LOC400499: variants seen among roughly 807,000 people sequenced by gnomAD.
chr16:11,450,864 G>T, the LOC400499 span: 1 of 1,498,084 alleles, frequency 6.7e-7, no homozygotes, highest in Admixed American at 2.0e-5. Context: ...GGGGTAGAGA[G>T]GAAGCTTCTA....
the LOC400499 span, chr16:11,514,539 G>A: frequency 2.5e-6 from 1 of 400,154 alleles, no homozygotes; most frequent in Non-Finnish European, 4.4e-6. Context: ...GTCAGGCCGG[G>A]CTGCGGACCA....
At chr16:11,379,555 G>T in the LOC400499 span, among the ~76,000 whole-genome samples, 3 of 152,208 alleles carry the variant, frequency 2.0e-5, no homozygotes, top group East Asian at 5.8e-4. Context: ...TATTTTTAAA[G>T]ATTATCATTC....
At chr16:11,432,230 C>T in the LOC400499 span, among the ~76,000 whole-genome samples, 1 of 152,252 alleles carries the variant, frequency 6.6e-6, no homozygotes, top group Non-Finnish European at 1.5e-5. Context: ...CCTGCCAAAG[C>T]CACACAGAAC....
chr16:11,440,969 G>A, the LOC400499 span: 2 of 398,982 alleles, frequency 5.0e-6, no homozygotes, highest in African/African-American at 2.1e-5. Flanking sequence ...CCAGGGCCAG[G>A]CTGTGCCGGA....
At chr16:11,509,450 G>A in the LOC400499 span, among the ~76,000 whole-genome samples, 1 of 151,728 alleles carries the variant, frequency 6.6e-6, no homozygotes, top group Non-Finnish European at 1.5e-5. Context: ...AAACAAGTCA[G>A]CAGGACACAC....
chr16:11,520,714 C>T, the LOC400499 span, among the ~76,000 whole-genome samples: 8 of 148,436 alleles, frequency 5.4e-5, no homozygotes, highest in African/African-American at 1.7e-4. Flanking sequence ...GGAGAAGTGA[C>T]CAAGAGGAAG....
the LOC400499 span, among the ~76,000 whole-genome samples, chr16:11,482,989 T>C: frequency 3.4e-5 from 5 of 148,670 alleles, no homozygotes; most frequent in Non-Finnish European, 7.5e-5. Context: ...GCCAACAAAA[T>C]AAGATGAGCA....
At chr16:11,491,649 T>TAC in the LOC400499 span, 2 of 210,378 alleles carry the variant, frequency 9.5e-6, no homozygotes. Context: ...GGAGGTGCCC[T>TAC]CCCAGCCCCA....
the LOC400499 span, among the ~76,000 whole-genome samples, chr16:11,427,402 G>A: frequency 6.9e-6 from 1 of 144,576 alleles, no homozygotes. Context: ...TTAATCAACA[G>A]GGAAATGCAA....
chr16:11,455,505 A>G, the LOC400499 span, among the ~76,000 whole-genome samples: 1 of 152,074 alleles, frequency 6.6e-6, no homozygotes, highest in African/African-American at 2.4e-5. Flanking sequence ...GAGGCCAAAG[A>G]AGGTGGATCA....
the LOC400499 span, among the ~76,000 whole-genome samples, chr16:11,374,328 TA>T: frequency 2.0e-5 from 3 of 152,226 alleles, no homozygotes; most frequent in African/African-American, 7.2e-5. Context: ...ATTTCTAGTG[TA>T]AAAAATTTTA....
chr16:11,382,503 T>A, the LOC400499 span, among the ~76,000 whole-genome samples: 1 of 152,192 alleles, frequency 6.6e-6, no homozygotes, highest in African/African-American at 2.4e-5. Context: ...AGGTAGCTGG[T>A]GTTAGAACTG....
chr16:11,449,919 G>A, the LOC400499 span, among the ~76,000 whole-genome samples: 2 of 152,362 alleles, frequency 1.3e-5, no homozygotes, highest in Admixed American at 1.3e-4. Flanking sequence ...AGGCCGCCAT[G>A]CCCTCTGGTT....
chr16:11,391,710 T>G, the LOC400499 span: 1 of 1,232,002 alleles, frequency 8.1e-7, no homozygotes, highest in African/African-American at 1.6e-5. Context: ...CTGCAGCCAC[T>G]CCAGGTAAAG....
the LOC400499 span, among the ~76,000 whole-genome samples, chr16:11,375,930 C>G: frequency 6.6e-6 from 1 of 151,876 alleles, no homozygotes; most frequent in Non-Finnish European, 1.5e-5. Context: ...GGTGAGAAAC[C>G]CCATGGAGAA....
the LOC400499 span, chr16:11,460,861 C>T: frequency 1.4e-6 from 2 of 1,388,788 alleles, no homozygotes; most frequent in Admixed American, 2.8e-5. Flanking sequence ...AATGGAAAAC[C>T]CCGTGGTGAC....
the LOC400499 span, chr16:11,425,165 C>G: frequency 2.5e-6 from 1 of 398,938 alleles, no homozygotes; most frequent in African/African-American, 2.1e-5. Context: ...TCGGGCCACC[C>G]GCAAGCTGTC....
the LOC400499 span, chr16:11,462,161 G>A: frequency 6.5e-6 from 10 of 1,532,674 alleles, no homozygotes; most frequent in Admixed American, 2.0e-5. Context: ...CAGCGATGCG[G>A]AGAAGGCCAG....
At chr16:11,525,559 C>T in the LOC400499 span, among the ~76,000 whole-genome samples, 3 of 152,254 alleles carry the variant, frequency 2.0e-5, no homozygotes, top group South Asian at 2.1e-4. Flanking sequence ...TTTGATCACT[C>T]GGACACTGGG....
Sources: allele counts gnomAD v4.1 joint callset (sites outside exome capture counted in the v4.1 genomes callset), GRCh38; gene constraint gnomAD v4.1.1; transcripts MANE v1.5.